The following SHANK2 variants were observed in gnomAD, a reference collection of about 807,000 sequenced individuals.
SHANK2 encodes the protein SH3 and multiple ankyrin repeat domains protein 2.
Under a neutral mutation model 133.7 loss-of-function variants are expected in SHANK2, and 43 were observed. That is an observed-to-expected ratio of 0.32 (90% confidence interval 0.25 to 0.41). The LOEUF is 0.41. Among genes scored for constraint, SHANK2 ranks in the 10% least tolerant of loss-of-function variants. SHANK2 has a pLI of 1.00. For missense variants in SHANK2, 1,994 were observed against 2,235.8 expected, an observed-to-expected ratio of 0.89 and a Z score of 2.18; for synonymous variants, 1,017 against 952.8, an observed-to-expected ratio of 1.07 and a Z score of -1.24.
At position 70,500,524 on chromosome 11, in the gene SHANK2, G is replaced by C. The variant is rs570792469; in HGVS notation, c.2308+46C>G. On this transcript the variant is annotated intron_variant, in intron 21 of 25. Coordinates refer to ENST00000601538, the MANE Select transcript of SHANK2 (RefSeq NM_012309.5). The surrounding 1 kb of genome is among the most constrained non-coding windows in gnomAD (Gnocchi z 4.5). Reference sequence around the variant, plus strand: ...CACAAAGGATGTTTCTGTTCCACAGGGGGGTGATGGGCAGGGGGCTGAGAC... The same window carrying C: ...CACAAAGGATGTTTCTGTTCCACAGCGGGGTGATGGGCAGGGGGCTGAGAC... The C allele has an allele frequency of 9.4e-5, 149 of 1,589,040 alleles. 1 individual carries two copies. In the African/African-American group the frequency reaches 1.6e-3, roughly 17 times the overall value.
chr11:70,802,141 G>A (rs963645618), intron 13 of SHANK2, among the ~76,000 whole-genome samples: 3 of 152,152 alleles, frequency 2.0e-5, no homozygotes, highest in Non-Finnish European at 4.4e-5. Flanking sequence ...TGGGGGCCCT[G>A]GGAAACCTGG....
intron 17 of SHANK2, among the ~76,000 whole-genome samples, chr11:70,593,042 A>G (rs2060347163): frequency 1.3e-5 from 2 of 152,164 alleles, no homozygotes; most frequent in Admixed American, 6.5e-5. Flanking sequence ...CCTCGCATGA[A>G]AAACTTCCCA....
rs1180774424 is a variant in SHANK2 at position 70,798,468 on chromosome 11, C to A, written c.1752G>T (p.Gln584His). Residue 584 changes from glutamine (Q) to histidine (H), a missense_variant, in exon 14 of 26, where the codon CAG (glutamine) becomes CAT (histidine). Physicochemically the swap from Gln to His is conservative, Grantham distance 24 (BLOSUM62 0). Transcript: ENST00000601538. ...WFPAECVEEV[Q>H]CKPRDSQAET... ...CTGCCTGGCTGTCCCTGGGCTTACA[C>A]TGGACCTCCTCCACGCACTCCGCCG... 4.2e-6 allele frequency: 3 copies of A among 718,402 alleles called. No homozygotes were observed. Among genetic ancestry groups the A allele is most frequent in the African/African-American group, 3.5e-5 (2 of 57,258 alleles). 44.5% of individuals were successfully genotyped at this position (718,402 alleles called of 1,614,324 possible).
chr11:71,189,030 C>T (rs984578582), intron 2 of SHANK2, among the ~76,000 whole-genome samples: 8 of 152,186 alleles, frequency 5.3e-5, no homozygotes, highest in Admixed American at 5.2e-4. Context: ...CACAGACGGC[C>T]AGGGAAGACG....
rs531831255 is a variant in SHANK2, at chr11:70,551,052, C to T, written c.2062-48121G>A. Among the ~76,000 whole-genome samples the T allele has an allele frequency of 1.1e-4, 17 of 152,308 alleles. No individual in the cohort carries two copies. The South Asian group carries it at 3.3e-3, about 30-fold the overall frequency. ...CGGGGAGGGCCAAGGGGCTGGAGTG[C>T]CAGCGGACCCCCTCCCACCCCCTCC... On this transcript the variant is annotated intron_variant, in intron 17 of 25. Transcript: ENST00000601538.
intron 10 of SHANK2, among the ~76,000 whole-genome samples, chr11:70,926,617 G>A (rs1251738406): frequency 6.6e-6 from 1 of 152,048 alleles, no homozygotes; most frequent in Non-Finnish European, 1.5e-5. Context: ...ACCAACAAAC[G>A]GCACACAATT....
rs892861834 is a variant in SHANK2 at position 70,471,597 on chromosome 11, C to A, written c.*1272G>T. On this transcript the variant is annotated 3_prime_UTR_variant, in exon 26 of 26. Transcript: ENST00000601538. The surrounding 1 kb of genome is among the most constrained non-coding windows in gnomAD (Gnocchi z 4.1). Reference sequence around the variant, plus strand: ...CTGATCCTGCCGCCCACCTTCTGTTCTCAACCCTGGGTTCTGTCTATACTC... The same window carrying A: ...CTGATCCTGCCGCCCACCTTCTGTTATCAACCCTGGGTTCTGTCTATACTC... The A allele has an allele frequency of 1.5e-5, 6 of 394,102 alleles. No individual in the cohort carries two copies. In the South Asian group the frequency reaches 7.2e-4, roughly 47 times the overall value. 24.4% of individuals were successfully genotyped at this position (394,102 alleles called of 1,614,324 possible). A position where few individuals can be genotyped will look rare whatever the true frequency, so the allele number is the denominator to read the frequency against.
At chr11:70,839,692 T>C (rs1206758678) in intron 11 of SHANK2, among the ~76,000 whole-genome samples, 1 of 151,614 alleles carries the variant, frequency 6.6e-6, no homozygotes, top group African/African-American at 2.4e-5. Flanking sequence ...GAAGGGGAGG[T>C]CCCTTTTTAG....
At chr11:70,502,350 C>T (rs781051055) in intron 18 of SHANK2, 64 bp from the exon 19 acceptor site, 1 of 1,462,992 alleles carries the variant, frequency 6.8e-7, no homozygotes, top group African/African-American at 1.4e-5. Context: ...GGGAATAAGG[C>T]TAGCAGTGGC....
rs2059064969 is a variant in SHANK2 at position 70,502,231 on chromosome 11, G to A, written c.2253C>T (p.Ser751=). 6.4e-7 allele frequency: 1 copy of A among 1,558,938 alleles called. No homozygotes were observed. The highest frequency in any genetic ancestry group is 8.7e-7 in the Non-Finnish European group (1 of 1,150,286). Reference sequence around the variant, plus strand: ...CGAGCTCCTCCAGCTCCGAGGTCATGGACTTGGAGCGCAGGGTGAGGGCTG... The same window carrying A: ...CGAGCTCCTCCAGCTCCGAGGTCATAGACTTGGAGCGCAGGGTGAGGGCTG... ...PTTALTLRSK[S]MTSELEELVD... The change falls in exon 19 of 26, where the codon TCC becomes TCT. Residue 751 remains serine, a synonymous_variant. Coordinates refer to ENST00000601538, the MANE Select transcript of SHANK2 (RefSeq NM_012309.5).
At chr11:70,703,348 G>A (rs1945583409) in intron 14 of SHANK2, among the ~76,000 whole-genome samples, 1 of 152,210 alleles carries the variant, frequency 6.6e-6, no homozygotes, top group South Asian at 2.1e-4. Context: ...CCTGGGAGGT[G>A]GCATCTCATG....
At position 71,224,497 on chromosome 11, in the gene SHANK2, C is replaced by T. The variant is rs143156434; in HGVS notation, c.-13+200G>A. Among the ~76,000 whole-genome samples the T allele has an allele frequency of 1.1e-3, 167 of 152,316 alleles. 1 individual carries two copies. In the East Asian group the frequency reaches 0.025, roughly 23 times the overall value. On this transcript the variant is annotated intron_variant, in intron 2 of 25. Transcript: ENST00000601538. ...CAGAGGCATAGTCCCTTTCATATCT[C>T]GCAAGGTCACACAAGCGGGCCACCA... is the stretch of plus-strand genomic sequence containing the variant.
chr11:70,572,584 C>T (rs373608765), intron 17 of SHANK2, among the ~76,000 whole-genome samples: 1 of 152,150 alleles, frequency 6.6e-6, no homozygotes, highest in Non-Finnish European at 1.5e-5. Flanking sequence ...GGAGAGAAAG[C>T]CCCTCTGTTC....
chr11:70,518,967 C>T (rs1391716247), intron 17 of SHANK2, among the ~76,000 whole-genome samples: 8 of 152,160 alleles, frequency 5.3e-5, no homozygotes, highest in African/African-American at 1.7e-4. Context: ...TGGAGTGCAG[C>T]GGCATGATCT....
chr11:70,840,347 T>C (rs781807013), intron 11 of SHANK2, among the ~76,000 whole-genome samples: 1 of 152,222 alleles, frequency 6.6e-6, no homozygotes, highest in Non-Finnish European at 1.5e-5. Flanking sequence ...CTGCGTGTTC[T>C]GGGTGCTACC....
chr11:71,193,609 C>A (rs1555115785), intron 2 of SHANK2, among the ~76,000 whole-genome samples: 1 of 152,198 alleles, frequency 6.6e-6, no homozygotes, highest in Non-Finnish European at 1.5e-5. Flanking sequence ...GTGCCCCTAG[C>A]CACTGCCTGC....
chr11:70,641,037 C>T (rs1220789524), intron 17 of SHANK2, among the ~76,000 whole-genome samples: 5 of 151,884 alleles, frequency 3.3e-5, no homozygotes, highest in African/African-American at 7.3e-5. Context: ...AGATCGTGTA[C>T]AGAATTTTTA....
intron 17 of SHANK2, chr11:70,603,933 G>A (rs1353373287): frequency 6.5e-6 from 1 of 152,676 alleles, no homozygotes; most frequent in African/African-American, 2.4e-5. Flanking sequence ...AGAACGACCC[G>A]ATAAAATTAT....
At chr11:70,794,107 C>T (rs1296101508) in intron 14 of SHANK2, among the ~76,000 whole-genome samples, 1 of 151,968 alleles carries the variant, frequency 6.6e-6, no homozygotes, top group Non-Finnish European at 1.5e-5. Flanking sequence ...ATGGTGAAAT[C>T]CCCTCCTTAC....
Sources: allele counts gnomAD v4.1 joint callset (sites outside exome capture counted in the v4.1 genomes callset), GRCh38; gene constraint gnomAD v4.1.1; non-coding constraint Gnocchi (gnomAD v3.1); transcripts MANE v1.5; gene names NCBI Gene and HGNC (gene_info 2026-07-23, HGNC 2026-07-21).